The following PDE11A variants were observed in gnomAD, a reference collection of about 807,000 sequenced individuals.
The protein encoded by PDE11A is dual 3',5'-cyclic-AMP and -GMP phosphodiesterase 11A.
In PDE11A, 100 loss-of-function variants were observed where a neutral mutation model predicts 100.5. That is an observed-to-expected ratio of 1.00 (90% CI 0.85 to 1.18). The LOEUF is 1.18. PDE11A is among the 50% of genes most tolerant of loss of function. The probability of loss-of-function intolerance (pLI) is 0.00; values close to 1 mark genes in which losing one functional copy is unlikely to be tolerated. For missense variants in PDE11A, 1,141 were observed against 1,152.6 expected (o/e 0.99, Z 0.15); for synonymous variants, 381 against 420.8 (o/e 0.91, Z 1.16).
intron 9 of PDE11A, among the ~76,000 whole-genome samples, chr2:177,810,787 T>G (rs746363438): frequency 2.8e-4 from 42 of 152,122 alleles, no homozygotes; most frequent in Non-Finnish European, 5.1e-4. Context: ...AAATATGTTT[T>G]AGGAAGAACA....
intron 5 of PDE11A, among the ~76,000 whole-genome samples, chr2:177,844,855 G>A (rs1454120035): frequency 6.6e-6 from 1 of 151,984 alleles, no homozygotes; most frequent in Non-Finnish European, 1.5e-5. Context: ...AGGGTTGGGG[G>A]CAAGGTCACA....
chr2:177,632,471 G>T (rs1187679302), intron 19 of PDE11A, among the ~76,000 whole-genome samples: 1 of 152,102 alleles, frequency 6.6e-6, no homozygotes, highest in African/African-American at 2.4e-5. Flanking sequence ...TCTTGCATAT[G>T]TATACAACTC....
chr2:177,899,804 C>G (rs1050368925), intron 3 of PDE11A, among the ~76,000 whole-genome samples: 2 of 150,100 alleles, frequency 1.3e-5, no homozygotes, highest in East Asian at 1.9e-4. Flanking sequence ...TACATATGTA[C>G]CCTCCTTAAT....
chr2:178,013,994 T>A (rs1254384796), intron 2 of PDE11A, among the ~76,000 whole-genome samples: 1 of 152,140 alleles, frequency 6.6e-6, no homozygotes, highest in African/African-American at 2.4e-5. Flanking sequence ...CCTTAGGCCA[T>A]GTGTGGTGGA....
At chr2:177,870,606 A>G (rs1180061860) in intron 5 of PDE11A, among the ~76,000 whole-genome samples, 1 of 152,222 alleles carries the variant, frequency 6.6e-6, no homozygotes, top group Non-Finnish European at 1.5e-5. Context: ...CAGCAATTCT[A>G]CTGAATTTTC....
chr2:177,852,292 G>A (rs1358669883), intron 5 of PDE11A, among the ~76,000 whole-genome samples: 1 of 152,150 alleles, frequency 6.6e-6, no homozygotes, highest in Non-Finnish European at 1.5e-5. Flanking sequence ...CAGCTTGAGT[G>A]TTACCCAGTG....
intron 1 of PDE11A, among the ~76,000 whole-genome samples, chr2:178,053,719 T>C (rs1049287920): frequency 3.3e-5 from 5 of 151,972 alleles, no homozygotes; most frequent in African/African-American, 7.3e-5. Flanking sequence ...ATACCAACAA[T>C]AGATGAGCAG....
At chr2:177,713,693 C>T (rs1317666690) in intron 12 of PDE11A, among the ~76,000 whole-genome samples, 1 of 151,994 alleles carries the variant, frequency 6.6e-6, no homozygotes, top group African/African-American at 2.4e-5. Flanking sequence ...CACTGCACTC[C>T]AGTCTGAGCG....
chr2:178,106,954 T>C (rs1220892322), intron 1 of PDE11A, among the ~76,000 whole-genome samples: 3 of 106,272 alleles, frequency 2.8e-5, no homozygotes, highest in African/African-American at 7.7e-5. Context: ...AGCAAGACTC[T>C]CTCAAAAAAA....
At chr2:177,834,619 G>A (rs910653609) in intron 6 of PDE11A, among the ~76,000 whole-genome samples, 12 of 152,122 alleles carry the variant, frequency 7.9e-5, no homozygotes, top group South Asian at 2.1e-4. Flanking sequence ...AGGCACCCAC[G>A]CAGTCTTCCC....
At chr2:177,952,965 A>G (rs191217686) in intron 2 of PDE11A, 18 of 152,276 alleles carry the variant, frequency 1.2e-4, no homozygotes, top group Admixed American at 1.1e-3. Context: ...TAAGCTTCAC[A>G]ACTCAACCAT....
At chr2:178,046,433 T>C (rs2086752184) in intron 1 of PDE11A, among the ~76,000 whole-genome samples, 1 of 152,334 alleles carries the variant, frequency 6.6e-6, no homozygotes, top group South Asian at 2.1e-4. Context: ...TAAGAAATTA[T>C]AGAAAGATAA....
At chr2:177,775,919 C>T (rs1413945542) in intron 9 of PDE11A, among the ~76,000 whole-genome samples, 1 of 152,110 alleles carries the variant, frequency 6.6e-6, no homozygotes, top group East Asian at 1.9e-4. Flanking sequence ...ACTTTGAAGG[C>T]AAGGATTGGT....
At chr2:177,814,605 C>A (rs2083007447) in intron 9 of PDE11A, among the ~76,000 whole-genome samples, 1 of 152,158 alleles carries the variant, frequency 6.6e-6, no homozygotes, top group African/African-American at 2.4e-5. Context: ...ACAAAGAAGT[C>A]AATGCCTATA....
At chr2:177,905,642 C>A (rs1359632001) in intron 2 of PDE11A, among the ~76,000 whole-genome samples, 2 of 152,114 alleles carry the variant, frequency 1.3e-5, no homozygotes, top group African/African-American at 2.4e-5. Flanking sequence ...GCATACAATT[C>A]ACATCTGTAG....
intron 10 of PDE11A, among the ~76,000 whole-genome samples, chr2:177,763,432 A>G (rs2082196624): frequency 6.6e-6 from 1 of 152,176 alleles, no homozygotes; most frequent in South Asian, 2.1e-4. Flanking sequence ...TTGGGATTTC[A>G]GAAGGTAGCA....
chr2:177,883,267 CAA>C (rs376882317), intron 4 of PDE11A, among the ~76,000 whole-genome samples: 10 of 132,196 alleles, frequency 7.6e-5, no homozygotes, highest in African/African-American at 8.3e-5. Context: ...GACTCTGTCT[CAA>C]AAAAAAAAAA....
chr2:178,022,890 G>C (rs73972667), intron 1 of PDE11A, among the ~76,000 whole-genome samples: 2 of 152,130 alleles, frequency 1.3e-5, no homozygotes, highest in Non-Finnish European at 2.9e-5. Flanking sequence ...ACCGCTTTGA[G>C]TATTTTTATG....
intron 3 of PDE11A, among the ~76,000 whole-genome samples, chr2:177,904,846 G>T (rs1322970682): frequency 1.3e-5 from 2 of 152,130 alleles, no homozygotes; most frequent in Non-Finnish European, 2.9e-5. Context: ...AAGCCATCGT[G>T]CCCAGCCAAT....
Sources: gnomAD v4.1 joint callset for allele counts (sites outside exome capture counted in the v4.1 genomes callset) on GRCh38, gnomAD v4.1.1 for gene constraint, MANE v1.5 for transcripts, NCBI Gene and HGNC (gene_info 2026-07-23, HGNC 2026-07-21) for gene names.